PGAP6: variants seen among roughly 807,000 people sequenced by gnomAD.
The protein encoded by PGAP6 is post-GPI attachment to proteins factor 6.
In PGAP6, 62 loss-of-function variants were observed where a neutral mutation model predicts 68.4. That is an observed-to-expected ratio of 0.91 (90% CI 0.74 to 1.12). The LOEUF is 1.12. Ranked by LOEUF, PGAP6 falls within the 50% of genes most tolerant of loss-of-function variation. PGAP6 has a pLI of 0.00. For synonymous variants in PGAP6, 575 were observed against 474.0 expected (o/e 1.21, Z -2.77); for missense variants, 1,188 against 1,068.5 (o/e 1.11, Z -1.56).
Position 372,089 on chromosome 16 carries a change from C to T in PGAP6, c.2214G>A (p.Pro738=), listed in dbSNP as rs141574918. ...AGGGCTCGGCGGGCTGGTCAGGTGGCGGCAGCAGCAAGGCTGCGCTCCCGG... is the reference window on the plus strand; with the variant it reads ...AGGGCTCGGCGGGCTGGTCAGGTGGTGGCAGCAGCAAGGCTGCGCTCCCGG... The part of the protein sequence containing the change: ...LLAGSAALLL[P]PPDQPAEPWA... Residue 738 remains proline, a synonymous_variant, in exon 13 of 13, where the codon CCG becomes CCA. Coordinates refer to ENST00000431232, the MANE Select transcript of PGAP6 (RefSeq NM_021259.3). The T allele has an allele frequency of 3.4e-5, 55 of 1,612,118 alleles. No individual in the cohort carries two copies. The African/African-American group carries it at 4.5e-4, about 13-fold the overall frequency.
At position 377,820 on chromosome 16, in the gene PGAP6, C is replaced by T. The variant is rs12922073; in HGVS notation, c.150G>A (p.Ser50=). ...AGAAGGACAGCCTCTGCGGGGCCTGCGAGAAGTGCTCGGACACCAGCCCCA... is the reference window on the plus strand; with the variant it reads ...AGAAGGACAGCCTCTGCGGGGCCTGTGAGAAGTGCTCGGACACCAGCCCCA... ...SEVGLVSEHF[S]QAPQRLSFYS... Residue 50 remains serine, a synonymous_variant, in exon 2 of 13, where the codon TCG becomes TCA. Transcript: ENST00000431232. The T allele has an allele frequency of 0.57, 887,765 of 1,565,000 alleles. 255,493 individuals are homozygous for T. Among genetic ancestry groups the T allele is most frequent in the South Asian group, 0.7 (59,326 of 85,284 alleles).
chr16:372,327 G>A (rs773653964), intron 12 of PGAP6, 44 bp from the exon 13 acceptor site: 92 of 1,563,626 alleles, frequency 5.9e-5, no homozygotes, highest in Non-Finnish European at 7.0e-5. Flanking sequence ...GTGGGGCCGC[G>A]GCTGCAGCTC....
At chr16:385,725 C>T (rs1368860965), upstream of PGAP6, among the ~76,000 whole-genome samples, 2 of 148,730 alleles carry the variant, frequency 1.3e-5, no homozygotes, top group East Asian at 2.0e-4. Context: ...CCCAGGTTCA[C>T]GCCATTCTCC....
chr16:373,904 C>G lies in PGAP6; in HGVS notation c.1902+101G>C, dbSNP rs1041952372. The G allele has an allele frequency of 2.9e-6, 4 of 1,402,516 alleles. No homozygotes were observed. The African/African-American group carries it at 5.8e-5, about 20-fold the overall frequency. 86.9% of individuals were successfully genotyped at this position (1,402,516 alleles called of 1,614,324 possible). ...GATGTGAGGTTTCCAGGGGCCGTGC[C>G]CAACGCCAGGTCCGGCCTCTCCCAC... is the stretch of plus-strand genomic sequence containing the variant. On this transcript the variant is annotated intron_variant, in intron 11 of 12. Transcript: ENST00000431232.
At chr16:386,726 C>CAAAAAAAA, upstream of PGAP6, 3 of 311,108 alleles carry the variant, frequency 9.6e-6, no homozygotes, top group East Asian at 8.6e-5. Context: ...AAAAAAAAAC[C>CAAAAAAAA]AAAAAAAAAA....
rs375715790 is a variant in PGAP6 at position 375,161 on chromosome 16, G to A, written c.1411C>T (p.Leu471=). 8 of 1,613,378 alleles carry A rather than the reference G, an allele frequency of 5.0e-6. No homozygotes were observed. The highest frequency in any genetic ancestry group is 3.3e-5 in the South Asian group (3 of 91,092). Residue 471 remains leucine (L), a synonymous_variant, in exon 8 of 13, where the codon CTG becomes TTG. Coordinates refer to ENST00000431232, the MANE Select transcript of PGAP6 (RefSeq NM_021259.3). ...YPETDNWYLS[L]QLMCPENAED... ...GCATTCTCAGGGCACATGAGCTGCA[G>A]GGAGAGGTACCAGTTGTCTGTCTCT...
intron 3 of PGAP6, 52 bp from the exon 4 acceptor site, chr16:377,216 A>C (rs1263047461): frequency 6.2e-7 from 1 of 1,610,704 alleles, no homozygotes; most frequent in South Asian, 1.1e-5. Flanking sequence ...TGCAGGTGTG[A>C]GGGCATGGTC....
In PGAP6 at chr16:375,374, C is replaced by G. The variant is rs368868995; in HGVS notation, c.1286G>C (p.Gly429Ala). Residue 429 changes from glycine (G) to alanine (A), a missense_variant, in exon 7 of 13, where the codon GGC becomes GCC. Transcript: ENST00000431232. ...ACVNAASPFLGFNTSLNCTTA... is the reference protein window; with the variant it reads ...ACVNAASPFLAFNTSLNCTTA... ...GGTGCAGTTGAGCGAAGTATTGAAGCCAAGGAAGGGCGAGGCAGCATTCAC... is the reference window on the plus strand; with the variant it reads ...GGTGCAGTTGAGCGAAGTATTGAAGGCAAGGAAGGGCGAGGCAGCATTCAC... The G allele has an allele frequency of 2.7e-5, 43 of 1,612,864 alleles. No individual in the cohort carries two copies. The highest frequency in any genetic ancestry group is 5.0e-5 in the Admixed American group (3 of 59,994).
At chr16:377,002 G>A (rs887890821) in intron 4 of PGAP6, 35 bp downstream of exon 4, 2 of 1,610,640 alleles carry the variant, frequency 1.2e-6, no homozygotes, top group Non-Finnish European at 1.7e-6. Context: ...GGGGCCGGAG[G>A]GCAGAGCCGG....
chr16:374,938 C>T, intron 8 of PGAP6, 46 bp from the exon 9 acceptor site: 1 of 1,609,864 alleles, frequency 6.2e-7, no homozygotes. Context: ...GATCTGACAG[C>T]CCAGCTGCCA....
rs774362785 is a variant in PGAP6 at position 376,158 on chromosome 16, G to A, written c.1202C>T (p.Thr401Ile). Residue 401 changes from threonine (T) to isoleucine (I), a missense_variant, in exon 6 of 13, where the codon ACC becomes ATC. By Grantham distance (89) the Thr-to-Ile change is moderately conservative. Coordinates refer to ENST00000431232, the MANE Select transcript of PGAP6 (RefSeq NM_021259.3). ...TACCTTGTTGGCCCGCAGGGAGATG[G>A]TGAGGGAACCCCCGCTGTCCATGCC... ...NTGMDSGGSL[T>I]ISLRANKTEM... 6 of 1,606,530 alleles carry A rather than the reference G, an allele frequency of 3.7e-6. No homozygotes were observed. Among genetic ancestry groups the A allele is most frequent in the East Asian group, 2.2e-5 (1 of 44,710 alleles).
upstream of PGAP6, chr16:386,746 A>AAT: frequency 2.2e-6 from 1 of 448,350 alleles, no homozygotes; most frequent in Non-Finnish European, 4.0e-6. Flanking sequence ...AAAAAAAAAA[A>AAT]TTGGCCTTTT....
In PGAP6 at chr16:374,868, G is replaced by A. The variant is rs376440582; in HGVS notation, c.1464C>T (p.His488=). 6.8e-6 allele frequency: 11 copies of A among 1,612,840 alleles called. No individual in the cohort carries two copies. Among genetic ancestry groups the A allele is most frequent in the Admixed American group, 1.7e-5 (1 of 59,990 alleles). ...GCACCAGGTACAAGGTGGTCTCCAC[G>A]TGGACCACAGCCTGCTCACAGTCCC... ...NAEDCEQAVV[H]VETTLYLVPC... is the part of the protein sequence containing the mutation. Residue 488 remains histidine (H), a synonymous_variant, in exon 9 of 13, where the codon CAC becomes CAT. Coordinates refer to ENST00000431232, the MANE Select transcript of PGAP6 (RefSeq NM_021259.3).
At chr16:378,201 C>T (rs1306141430) in intron 1 of PGAP6, among the ~76,000 whole-genome samples, 11 of 145,014 alleles carry the variant, frequency 7.6e-5, no homozygotes, top group African/African-American at 7.7e-5. Flanking sequence ...CTGCCATCGC[C>T]ACCCTGACTG....
chr16:372,713 C>T lies in PGAP6; in HGVS notation c.1917G>A (p.Leu639=), dbSNP rs1838913502. The change falls in exon 12 of 13, where the codon CTG becomes CTA. Residue 639 remains leucine (L), a synonymous_variant. Transcript: ENST00000431232. ...AGGACATGGCGATGACCAGTGTACC[C>T]AGAAGAAACAGCACCTGCGCAAGAC... ...KTVLKYVLFL[L]GTLVIAMSLQ... 6 of 1,610,322 alleles carry T rather than the reference C, an allele frequency of 3.7e-6. No individual in the cohort carries two copies. Among genetic ancestry groups the T allele is most frequent in the Non-Finnish European group, 5.1e-6 (6 of 1,178,390 alleles).
upstream of PGAP6, among the ~76,000 whole-genome samples, chr16:385,310 A>ATTT (rs35605582): frequency 1.5e-3 from 167 of 112,412 alleles, 6 homozygotes; most frequent in African/African-American, 5.2e-3. Context: ...ATATACTCTG[A>ATTT]TTTTTTTTTT....
At chr16:385,183 T>C (rs73492361), upstream of PGAP6, among the ~76,000 whole-genome samples, 15,672 of 150,936 alleles carry the variant, frequency 0.1, 1,380 homozygotes, top group South Asian at 0.23. Context: ...AAAAAAAATG[T>C]AATGGAGAAC....
chr16:381,049 T>G (rs1183975876), intron 1 of PGAP6, among the ~76,000 whole-genome samples: 1 of 152,218 alleles, frequency 6.6e-6, no homozygotes, highest in Non-Finnish European at 1.5e-5. Context: ...TCCAGCCGCC[T>G]CCTTGGACCT....
chr16:372,322 G>A, intron 12 of PGAP6, 39 bp from the exon 13 acceptor site: 1 of 1,572,666 alleles, frequency 6.4e-7, no homozygotes, highest in Non-Finnish European at 8.6e-7. Context: ...TGCAGGTGGG[G>A]CCGCGGCTGC....
Sources: allele counts gnomAD v4.1 joint callset (sites outside exome capture counted in the v4.1 genomes callset), GRCh38; gene constraint gnomAD v4.1.1; transcripts MANE v1.5; gene names NCBI Gene and HGNC (gene_info 2026-07-23, HGNC 2026-07-21).